WWOX: variants seen among roughly 807,000 people sequenced by gnomAD.
WWOX encodes the protein WW domain-containing oxidoreductase.
Under a neutral mutation model 46.2 loss-of-function variants are expected in WWOX, and 69 were observed. That is an observed-to-expected ratio of 1.49 (90% CI 1.23 to 1.82). The LOEUF is 1.82. WWOX is among the 40% of genes most tolerant of loss of function. The probability of loss-of-function intolerance (pLI) is 0.00; values close to 1 mark genes in which losing one functional copy is unlikely to be tolerated. For synonymous variants in WWOX, 359 were observed against 202.6 expected (o/e 1.77, Z -6.56); for missense variants, 919 against 542.6 (o/e 1.69, Z -6.89).
chr16:79,083,264 A>C (rs551586744), intron 8 of WWOX, among the ~76,000 whole-genome samples: 1 of 152,234 alleles, frequency 6.6e-6, no homozygotes, highest in South Asian at 2.1e-4. Context: ...GCCTAATGAA[A>C]TGTGAGTGAC....
chr16:78,583,545 C>G (rs2045116193), intron 8 of WWOX, among the ~76,000 whole-genome samples: 1 of 152,196 alleles, frequency 6.6e-6, no homozygotes, highest in Admixed American at 6.5e-5. Context: ...GGAAGATGCA[C>G]TTGGCAGCAA....
chr16:79,187,781 A>G (rs962285232), intron 8 of WWOX, among the ~76,000 whole-genome samples: 4 of 152,210 alleles, frequency 2.6e-5, no homozygotes, highest in Admixed American at 2.6e-4. Flanking sequence ...GGCTCAAGCA[A>G]TGCACTGGCC....
intron 8 of WWOX, among the ~76,000 whole-genome samples, chr16:79,104,048 G>GGC (rs1567552645): frequency 9.8e-6 from 1 of 102,016 alleles, no homozygotes; most frequent in African/African-American, 3.7e-5. Flanking sequence ...GGGGGGGGGG[G>GGC]GGCGGGTGGT....
At chr16:78,347,293 C>T (rs1261106754) in intron 5 of WWOX, among the ~76,000 whole-genome samples, 1 of 116,468 alleles carries the variant, frequency 8.6e-6, no homozygotes, top group African/African-American at 2.9e-5. Flanking sequence ...TGCTCCTTCC[C>T]CTGTAGATCA....
At position 78,793,985 on chromosome 16, in the gene WWOX, C is replaced by G. The variant is rs180978507; in HGVS notation, c.1056+361233C>G. ...GCTCAGAAAGACCCATGCCATATAG[C>G]AAAGTTCTTAGTAACACAGGCTTTG... is the stretch of plus-strand genomic sequence containing the variant. On this transcript the variant is annotated intron_variant, in intron 8 of 8. Coordinates refer to ENST00000566780, the MANE Select transcript of WWOX (RefSeq NM_016373.4). Among the ~76,000 whole-genome samples, 41 of 152,186 alleles carry G rather than the reference C, an allele frequency of 2.7e-4. No homozygotes were observed. The East Asian group carries it at 7.7e-3, about 29-fold the overall frequency.
At chr16:78,945,228 A>C (rs1187934248) in intron 8 of WWOX, among the ~76,000 whole-genome samples, 1 of 152,132 alleles carries the variant, frequency 6.6e-6, no homozygotes, top group Non-Finnish European at 1.5e-5. Flanking sequence ...GTATATGTAG[A>C]ACAAATGAAA....
At chr16:78,256,453 C>T (rs893557329) in intron 5 of WWOX, among the ~76,000 whole-genome samples, 1 of 151,856 alleles carries the variant, frequency 6.6e-6, no homozygotes, top group African/African-American at 2.4e-5. Flanking sequence ...AATTTTTGCT[C>T]CAATAAACTG....
chr16:79,041,834 G>C (rs976577962), intron 8 of WWOX, among the ~76,000 whole-genome samples: 2 of 152,020 alleles, frequency 1.3e-5, no homozygotes, highest in Non-Finnish European at 2.9e-5. Flanking sequence ...ACCTAGAAGG[G>C]ATAATAACTT....
chr16:78,526,103 G>C (rs557434403), intron 8 of WWOX: 1 of 152,206 alleles, frequency 6.6e-6, no homozygotes, highest in Admixed American at 6.5e-5. Flanking sequence ...GGTCATCAGT[G>C]AACAGATTCT....
chr16:78,887,817 G>A (rs1433587258), intron 8 of WWOX, among the ~76,000 whole-genome samples: 1 of 152,174 alleles, frequency 6.6e-6, no homozygotes, highest in Non-Finnish European at 1.5e-5. Context: ...TGCTGAGTGA[G>A]CTTAGGACTC....
At chr16:78,698,702 G>T (rs2048150646) in intron 8 of WWOX, among the ~76,000 whole-genome samples, 1 of 152,114 alleles carries the variant, frequency 6.6e-6, no homozygotes, top group Non-Finnish European at 1.5e-5. Context: ...TAAGCCAGGT[G>T]CAGTGGAATT....
chr16:78,227,420 T>A (rs1183522800), intron 5 of WWOX, among the ~76,000 whole-genome samples: 1 of 152,210 alleles, frequency 6.6e-6, no homozygotes, highest in African/African-American at 2.4e-5. Context: ...GAATAAAGAA[T>A]GTTTTCATCT....
chr16:78,186,204 A>G (rs554826029), intron 5 of WWOX, among the ~76,000 whole-genome samples: 2 of 152,222 alleles, frequency 1.3e-5, no homozygotes, highest in African/African-American at 4.8e-5. Context: ...GTTAAATAAA[A>G]TATCATTGAA....
intron 8 of WWOX, among the ~76,000 whole-genome samples, chr16:78,574,308 A>G (rs533108327): frequency 2.0e-5 from 3 of 152,326 alleles, no homozygotes; most frequent in African/African-American, 7.2e-5. Context: ...ATACCAAGTC[A>G]GAAGTCCTGC....
intron 8 of WWOX, among the ~76,000 whole-genome samples, chr16:78,867,343 C>G (rs572050853): frequency 7.2e-5 from 11 of 152,198 alleles, no homozygotes; most frequent in African/African-American, 1.4e-4. Flanking sequence ...TATCAATATA[C>G]TTTTTGTTCC....
intron 8 of WWOX, among the ~76,000 whole-genome samples, chr16:78,991,796 G>A (rs979469187): frequency 3.9e-5 from 6 of 152,152 alleles, no homozygotes; most frequent in African/African-American, 1.4e-4. Flanking sequence ...TAAGCTTTCA[G>A]GAGATCTTGG....
At chr16:79,107,141 A>T (rs555900733) in intron 8 of WWOX, among the ~76,000 whole-genome samples, 2 of 151,996 alleles carry the variant, frequency 1.3e-5, no homozygotes, top group East Asian at 3.9e-4. Context: ...GAATCTTACT[A>T]TGTTGCCCAG....
At chr16:78,960,751 C>T (rs775515720) in intron 8 of WWOX, among the ~76,000 whole-genome samples, 3 of 152,140 alleles carry the variant, frequency 2.0e-5, no homozygotes, top group South Asian at 4.1e-4. Flanking sequence ...CCAAAAGGAG[C>T]CTATGTAGCT....
intron 8 of WWOX, among the ~76,000 whole-genome samples, chr16:78,670,139 C>G (rs1186952022): frequency 6.6e-6 from 1 of 152,132 alleles, no homozygotes; most frequent in Non-Finnish European, 1.5e-5. Flanking sequence ...CAGTAGAGGC[C>G]AGCTGAGCTC....
Sources: allele counts gnomAD v4.1 joint callset (sites outside exome capture counted in the v4.1 genomes callset), GRCh38; gene constraint gnomAD v4.1.1; transcripts MANE v1.5; gene names NCBI Gene and HGNC (gene_info 2026-07-23, HGNC 2026-07-21).